The following PDS5B variants were observed in gnomAD, a reference collection of about 807,000 sequenced individuals.
The protein encoded by PDS5B is PDS5 cohesin associated factor B, also known as sister chromatid cohesion protein PDS5 homolog B.
In PDS5B, 51 loss-of-function variants were observed where a neutral mutation model predicts 184.1. The ratio of observed to expected loss-of-function variants is 0.28; its 90% CI spans 0.22 to 0.35. The LOEUF (loss-of-function observed/expected upper bound fraction) is 0.35. PDS5B is among the 10% of genes least tolerant of loss of function. PDS5B has a pLI of 1.00. For missense variants in PDS5B, 1,180 were observed against 1,723.3 expected (o/e 0.68, Z 5.58); for synonymous variants, 566 against 569.2 (o/e 0.99, Z 0.08).
chr13:32,662,493 A>G (rs938926654), intron 6 of PDS5B, among the ~76,000 whole-genome samples: 3 of 152,164 alleles, frequency 2.0e-5, no homozygotes, highest in Non-Finnish European at 4.4e-5. Context: ...CCATTTTAAC[A>G]TGTATTTTAG....
Position 32,775,861 on chromosome 13 carries a change from G to T in PDS5B, c.*809G>T. 3 of 294,626 alleles carry T rather than the reference G, an allele frequency of 1.0e-5. No homozygotes were observed. Among genetic ancestry groups the T allele is most frequent in the South Asian group, 3.0e-5 (1 of 32,910 alleles). 18.3% of individuals were successfully genotyped at this position (294,626 alleles called of 1,614,324 possible). On this transcript the variant is annotated 3_prime_UTR_variant, in exon 35 of 35. Transcript: ENST00000315596. ...TTTATCCCATTTTATCATCCTTTCA[G>T]TTTTTATTAATCTACTGTATCAATA... is the stretch of plus-strand genomic sequence containing the variant.
At chr13:32,646,183 T>G (rs1443082735) in intron 1 of PDS5B, among the ~76,000 whole-genome samples, 1 of 152,062 alleles carries the variant, frequency 6.6e-6, no homozygotes, top group Non-Finnish European at 1.5e-5. Context: ...TTATTTTTAT[T>G]TTTTGTAGAG....
At chr13:32,639,091 C>T (rs1444279303) in intron 1 of PDS5B, among the ~76,000 whole-genome samples, 1 of 118,152 alleles carries the variant, frequency 8.5e-6, no homozygotes, top group Non-Finnish European at 1.6e-5. Context: ...CAGAGAAATA[C>T]TAATCACTCA....
At chr13:32,665,584 G>A (rs556171949) in intron 6 of PDS5B, among the ~76,000 whole-genome samples, 4 of 35,806 alleles carry the variant, frequency 1.1e-4, no homozygotes, top group East Asian at 1.3e-3. Context: ...GCGAGACTCC[G>A]ACTCAAAAAA....
chr13:32,764,971 T>G (rs1954537042), intron 31 of PDS5B, among the ~76,000 whole-genome samples: 1 of 152,138 alleles, frequency 6.6e-6, no homozygotes, highest in East Asian at 1.9e-4. Context: ...CCCTTAAAAC[T>G]TCTTTCATTT....
At chr13:32,588,421 CTT>C (rs1267446387) in intron 1 of PDS5B, among the ~76,000 whole-genome samples, 3 of 152,256 alleles carry the variant, frequency 2.0e-5, no homozygotes, top group East Asian at 3.9e-4. Context: ...GCACTTTAGA[CTT>C]TATAAAAATT....
intron 8 of PDS5B, among the ~76,000 whole-genome samples, chr13:32,674,433 C>T (rs957203906): frequency 6.6e-6 from 1 of 152,078 alleles, no homozygotes; most frequent in African/African-American, 2.4e-5. Flanking sequence ...ATTAACTGGC[C>T]TTCCTGTCCC....
chr13:32,751,758 T>C (rs1953990560), intron 24 of PDS5B, among the ~76,000 whole-genome samples: 3 of 152,242 alleles, frequency 2.0e-5, no homozygotes, highest in Middle Eastern at 3.2e-3. Flanking sequence ...TATTAGACTT[T>C]TGTTGGATGC....
In PDS5B at chr13:32,702,540, T is replaced by C. The variant is rs183054466; in HGVS notation, c.1856+1102T>C. Among the ~76,000 whole-genome samples, 14 of 152,302 alleles carry C rather than the reference T, an allele frequency of 9.2e-5. No homozygotes were observed. In the East Asian group the frequency reaches 2.7e-3, roughly 29 times the overall value. On this transcript the variant is annotated intron_variant, in intron 17 of 34. Transcript: ENST00000315596. ...GAGATTATATTGTAGTTCAGTAAGATTATTGCAAATAGAGTTCACAGTATT... is the reference window on the plus strand; with the variant it reads ...GAGATTATATTGTAGTTCAGTAAGACTATTGCAAATAGAGTTCACAGTATT...
At chr13:32,725,799 C>G (rs551986707) in intron 19 of PDS5B, among the ~76,000 whole-genome samples, 1 of 152,232 alleles carries the variant, frequency 6.6e-6, no homozygotes, top group Admixed American at 6.5e-5. Flanking sequence ...CCATAGCAGT[C>G]TCATGATAGC....
rs80293763 is a variant in PDS5B at position 32,767,235 on chromosome 13, T to C, written c.3624+2641T>C. Among the ~76,000 whole-genome samples the C allele has an allele frequency of 3.6e-3, 544 of 152,272 alleles. 4 individuals carry two copies. Among genetic ancestry groups the C allele is most frequent in the African/African-American group, 0.013 (520 of 41,570 alleles). ...TGACAAATAGGAACTTTTAGTAAAC[T>C]AGTACCAGAAGGATACATCTTTAAT... On this transcript the variant is annotated intron_variant, in intron 31 of 34. Coordinates refer to ENST00000315596, the MANE Select transcript of PDS5B (RefSeq NM_015032.4).
intron 3 of PDS5B, among the ~76,000 whole-genome samples, chr13:32,657,064 T>G (rs1240814949): frequency 6.6e-6 from 1 of 152,236 alleles, no homozygotes; most frequent in Non-Finnish European, 1.5e-5. Flanking sequence ...TTGTTTTGAA[T>G]GGAGAGTTCT....
chr13:32,604,289 C>T (rs1050002322), intron 1 of PDS5B, among the ~76,000 whole-genome samples: 5 of 152,110 alleles, frequency 3.3e-5, no homozygotes, highest in Non-Finnish European at 7.4e-5. Flanking sequence ...GCATGAAGGG[C>T]TGTTGAATTT....
At chr13:32,694,069 C>G (rs181511092) in intron 13 of PDS5B, among the ~76,000 whole-genome samples, 154 bp from the exon 14 acceptor site, 326 of 151,872 alleles carry the variant, frequency 2.1e-3, no homozygotes, top group South Asian at 8.3e-3. Flanking sequence ...TCCATTCTTT[C>G]CCTCTACACA....
At chr13:32,699,179 A>C in intron 15 of PDS5B, among the ~76,000 whole-genome samples, 1 of 152,232 alleles carries the variant, frequency 6.6e-6, no homozygotes, top group East Asian at 1.9e-4. Context: ...TAGTATAAAA[A>C]TCATTTTTGA....
chr13:32,777,201 A>C lies in PDS5B; in HGVS notation c.*2149A>C, dbSNP rs962282213. The C allele has an allele frequency of 6.6e-6, 1 of 152,018 alleles. No homozygotes were observed. The highest frequency in any genetic ancestry group is 1.5e-5 in the Non-Finnish European group (1 of 67,874). 9.4% of individuals were successfully genotyped at this position (152,018 alleles called of 1,614,324 possible). A position where few individuals can be genotyped will look rare whatever the true frequency, so the allele number is the denominator to read the frequency against. On this transcript the variant is annotated 3_prime_UTR_variant, in exon 35 of 35. Coordinates refer to ENST00000315596, the MANE Select transcript of PDS5B (RefSeq NM_015032.4). ...GCATGATTATAGTTAAGCAAATTTC[A>C]TTTCACATTTTTGTAATGCTGTACA...
intron 30 of PDS5B, among the ~76,000 whole-genome samples, chr13:32,762,775 TTTAA>T (rs1196031923): frequency 6.6e-6 from 1 of 152,208 alleles, no homozygotes; most frequent in Non-Finnish European, 1.5e-5. Flanking sequence ...ATTTTCTTTC[TTTAA>T]TTATTGTCGT....
intron 6 of PDS5B, among the ~76,000 whole-genome samples, chr13:32,664,899 G>A (rs1234067524): frequency 6.6e-6 from 1 of 152,138 alleles, no homozygotes; most frequent in Non-Finnish European, 1.5e-5. Context: ...GTGCACTTGT[G>A]TGTAATTTGA....
At chr13:32,594,145 G>A (rs546881589) in intron 1 of PDS5B, among the ~76,000 whole-genome samples, 1 of 152,216 alleles carries the variant, frequency 6.6e-6, no homozygotes, top group South Asian at 2.1e-4. Flanking sequence ...TAAAACCCCC[G>A]AACCTACTAG....
Sources: allele counts gnomAD v4.1 joint callset (sites outside exome capture counted in the v4.1 genomes callset), GRCh38; gene constraint gnomAD v4.1.1; transcripts MANE v1.5; gene names NCBI Gene and HGNC (gene_info 2026-07-23, HGNC 2026-07-21).